Variants in COIL observed in about 807,000 individuals in gnomAD.
COIL encodes coilin p80.
Under a neutral mutation model 51.6 loss-of-function variants are expected in COIL, and 28 were observed. That is an observed-to-expected ratio of 0.54 (90% confidence interval 0.40 to 0.74). COIL has a LOEUF of 0.74. Among genes scored for constraint, COIL ranks in the 30% least tolerant of loss-of-function variants. COIL has a pLI of 0.00. For synonymous variants in COIL, 233 were observed against 255.8 expected, an observed-to-expected ratio of 0.91 and a Z score of 0.85; for missense variants, 667 against 685.9, an observed-to-expected ratio of 0.97 and a Z score of 0.31.
intron 1 of COIL, chr17:56,952,490 T>C (rs1910392686): frequency 3.2e-6 from 1 of 309,132 alleles, no homozygotes; most frequent in Admixed American, 4.7e-5. Context: ...CTGGATGAGA[T>C]TAACATTTAA....
At chr17:56,959,132 C>T (rs755422121) in intron 1 of COIL, among the ~76,000 whole-genome samples, 19 of 152,132 alleles carry the variant, frequency 1.2e-4, no homozygotes, top group Non-Finnish European at 2.6e-4. Context: ...ACAGCTTGAG[C>T]CCAGGGATTC....
At position 56,950,623 on chromosome 17, in the gene COIL, C is replaced by T. The variant is rs765140898; in HGVS notation, c.619G>A (p.Ala207Thr). 1.2e-6 allele frequency: 2 copies of T among 1,613,636 alleles called. No homozygotes were observed. Among genetic ancestry groups the T allele is most frequent in the South Asian group, 2.2e-5 (2 of 90,864 alleles). The change falls in exon 2 of 7, where the codon GCA becomes ACA. Residue 207 changes from alanine (A) to threonine (T), a missense_variant. Physicochemically the swap from Ala to Thr is moderately conservative, Grantham distance 58. Coordinates refer to ENST00000240316, the MANE Select transcript of COIL (RefSeq NM_004645.3). ...AKNPKSPKVQAVKDWANQRCS... is the reference protein window; with the variant it reads ...AKNPKSPKVQTVKDWANQRCS... ...CTCTGATTGGCCCAGTCTTTCACTG[C>T]CTGTACTTTCGGAGACTTGGGATTC...
intron 5 of COIL, among the ~76,000 whole-genome samples, chr17:56,943,896 G>A (rs1403063670): frequency 6.6e-6 from 1 of 151,996 alleles, no homozygotes; most frequent in Non-Finnish European, 1.5e-5. Flanking sequence ...TTGAGACAGG[G>A]TCTTGCTCAC....
intron 5 of COIL, among the ~76,000 whole-genome samples, chr17:56,944,203 T>C (rs1910201204): frequency 6.6e-6 from 1 of 152,108 alleles, no homozygotes; most frequent in South Asian, 2.1e-4. Context: ...CAAGCACTGA[T>C]CAGGCTGTAT....
rs56309316 is a variant in COIL at position 56,960,963 on chromosome 17, A to G, written c.57T>C (p.Ala19=). The G allele has an allele frequency of 2.9e-4, 466 of 1,614,128 alleles. 1 individual carries two copies. The African/African-American group carries it at 5.6e-3, about 19-fold the overall frequency. ...GCCAGAAGGCCGTACAGTGCGGGGT[A>G]GCTGGCGGCGGGTAATCAAATTGAA... ...LRLQFDYPPP[A]TPHCTAFWLL... The change falls in exon 1 of 7, where the codon GCT becomes GCC. Residue 19 remains alanine, a synonymous_variant. Transcript: ENST00000240316.
In COIL at chr17:56,943,697, T is replaced by C. The variant is rs1910189758; in HGVS notation, c.1559-1574A>G. Among the ~76,000 whole-genome samples the C allele has an allele frequency of 2.0e-5, 3 of 152,188 alleles. No homozygotes were observed. The South Asian group carries it at 6.2e-4, about 32-fold the overall frequency. The stretch of plus-strand genomic sequence containing the variant: ...ATCTGTTATTTATGTTATATAGTGA[T>C]ATGTGGACTAAAGAGCTAGCAGTAC... On this transcript the variant is annotated intron_variant, in intron 5 of 6. Transcript: ENST00000240316.
In COIL at chr17:56,960,911, C is replaced by T; in HGVS notation, c.109G>A (p.Val37Ile). The T allele has an allele frequency of 6.2e-7, 1 of 1,614,232 alleles. No homozygotes were observed. Among genetic ancestry groups the T allele is most frequent in the South Asian group, 1.1e-5 (1 of 91,084 alleles). Reference protein sequence around the residue: ...WLLVDLNRCRVVTDLISLIRQ... With the variant: ...WLLVDLNRCRIVTDLISLIRQ... ...ATGAGACTAATGAGATCTGTGACGA[C>T]TCGGCATCTGTTCAAGTCGACCAGA... The change falls in exon 1 of 7, where the codon GTC becomes ATC. Residue 37 changes from valine (V) to isoleucine (I), a missense_variant. Physicochemically the swap from Val to Ile is conservative, Grantham distance 29. Coordinates refer to ENST00000240316, the MANE Select transcript of COIL (RefSeq NM_004645.3).
chr17:56,940,472 A>G lies in COIL; in HGVS notation c.1648-1318T>C, dbSNP rs570454735. Among the ~76,000 whole-genome samples, 16 of 152,222 alleles carry G rather than the reference A, an allele frequency of 1.1e-4. No homozygotes were observed. In the South Asian group the frequency reaches 3.3e-3, roughly 32 times the overall value. ...TTAGGGCATAGAGAGAAAAGCCTCC[A>G]AGGTTTAATTTTCCAATGCGGTTTC... On this transcript the variant is annotated intron_variant, in intron 6 of 6. Transcript: ENST00000240316.
chr17:56,949,190 T>C (rs1397069891), intron 4 of COIL, among the ~76,000 whole-genome samples, 197 bp downstream of exon 4: 1 of 152,162 alleles, frequency 6.6e-6, no homozygotes, highest in African/African-American at 2.4e-5. Context: ...TCTTCCCAAG[T>C]ATAAGGCAAA....
chr17:56,942,184 C>T (rs1910162660), intron 5 of COIL, 61 bp from the exon 6 acceptor site: 1 of 1,282,712 alleles, frequency 7.8e-7, no homozygotes. Context: ...AAAAATGTTC[C>T]TCTATGGGGA....
intron 6 of COIL, among the ~76,000 whole-genome samples, chr17:56,940,758 C>G (rs1392184928): frequency 6.6e-6 from 1 of 152,170 alleles, no homozygotes; most frequent in Non-Finnish European, 1.5e-5. Flanking sequence ...AGAGCATTTT[C>G]TTAAATCTAA....
At position 56,950,631 on chromosome 17, in the gene COIL, T is replaced by C. The variant is rs1201209890; in HGVS notation, c.611A>G (p.Lys204Arg). Residue 204 changes from lysine (K) to arginine (R), a missense_variant, in exon 2 of 7, where the codon AAA (lysine) becomes AGA (arginine). Lys to Arg is a conservative substitution (Grantham distance 26). Transcript: ENST00000240316. ...GGCCCAGTCTTTCACTGCCTGTACT[T>C]TCGGAGACTTGGGATTCTTAGCCTT... ...KKKAKNPKSP[K>R]VQAVKDWANQ... 2 of 1,613,078 alleles carry C rather than the reference T, an allele frequency of 1.2e-6. No homozygotes were observed. Among genetic ancestry groups the C allele is most frequent in the East Asian group, 4.5e-5 (2 of 44,890 alleles).
chr17:56,957,637 A>G (rs1353727321), intron 1 of COIL, among the ~76,000 whole-genome samples: 1 of 151,796 alleles, frequency 6.6e-6, no homozygotes, highest in Non-Finnish European at 1.5e-5. Context: ...AAATAAATAA[A>G]TTAATTAATT....
intron 6 of COIL, 38 bp downstream of exon 6, chr17:56,941,997 C>T (rs539214515): frequency 2.1e-5 from 32 of 1,525,704 alleles, no homozygotes; most frequent in East Asian, 6.7e-5. Flanking sequence ...CAAGAGAGAA[C>T]GAATGGCCAA....
chr17:56,942,377 T>C (rs912679895), intron 5 of COIL, among the ~76,000 whole-genome samples: 3 of 152,184 alleles, frequency 2.0e-5, no homozygotes, highest in African/African-American at 7.2e-5. Flanking sequence ...CTGTCATTAG[T>C]ACTACCAGAA....
In COIL at chr17:56,938,531, C is replaced by T. The variant is rs886550260; in HGVS notation, c.*540G>A. The T allele has an allele frequency of 5.9e-5, 9 of 152,242 alleles. No homozygotes were observed. Among genetic ancestry groups the T allele is most frequent in the Non-Finnish European group, 8.8e-5 (6 of 68,130 alleles). 9.4% of individuals were successfully genotyped at this position (152,242 alleles called of 1,614,324 possible). A position where few individuals can be genotyped will look rare whatever the true frequency, so the allele number is the denominator to read the frequency against. On this transcript the variant is annotated 3_prime_UTR_variant, in exon 7 of 7. Coordinates refer to ENST00000240316, the MANE Select transcript of COIL (RefSeq NM_004645.3). The stretch of plus-strand genomic sequence containing the variant: ...TCCTTAATTTTAAAGTTGGGAAAAA[C>T]GTGAAAGGATTCCTTAACTCATTGT...
intron 6 of COIL, among the ~76,000 whole-genome samples, chr17:56,939,367 G>A (rs1910103398): frequency 1.3e-5 from 2 of 152,218 alleles, no homozygotes; most frequent in African/African-American, 4.8e-5. Flanking sequence ...GGCCGAGGGG[G>A]AGAAATGCTT....
chr17:56,948,340 T>C (rs1311042743), intron 4 of COIL, among the ~76,000 whole-genome samples: 1 of 151,558 alleles, frequency 6.6e-6, no homozygotes, highest in Non-Finnish European at 1.5e-5. Flanking sequence ...GGGGTTTCAC[T>C]GTGTTAGCCA....
intron 4 of COIL, 53 bp downstream of exon 4, chr17:56,949,334 G>A: frequency 7.2e-7 from 1 of 1,390,122 alleles, no homozygotes; most frequent in East Asian, 2.3e-5. Context: ...TATTAAATAT[G>A]ACTTTAGTTT....
Sources: allele counts gnomAD v4.1 joint callset (sites outside exome capture counted in the v4.1 genomes callset), GRCh38; gene constraint gnomAD v4.1.1; transcripts MANE v1.5; gene names NCBI Gene and HGNC (gene_info 2026-07-23, HGNC 2026-07-21).